Variants in SOX6 observed in about 807,000 individuals in gnomAD.
SOX6 encodes the protein transcription factor SOX-6.
SOX6 carries 11 observed loss-of-function variants against 97.8 expected under a neutral mutation model. The ratio of observed to expected loss-of-function variants is 0.11; its 90% confidence interval spans 0.07 to 0.19. The LOEUF (loss-of-function observed/expected upper bound fraction) is 0.19. Among genes scored for constraint, SOX6 ranks in the 10% least tolerant of loss-of-function variants. The probability of loss-of-function intolerance (pLI) is 1.00; values close to 1 mark genes in which losing one functional copy is unlikely to be tolerated. For missense variants in SOX6, 810 were observed against 1,039.5 expected, an observed-to-expected ratio of 0.78 and a Z score of 3.04; for synonymous variants, 360 against 371.4, an observed-to-expected ratio of 0.97 and a Z score of 0.35.
rs550101045 is a variant in SOX6, at chr11:16,560,848, T to C, written n.609+51233A>G. ...TGGCTGAGTAGTATTCCATTGTATT[T>C]ATAAAAGTGAAGTAACTCAGAAATG... On this transcript the variant is annotated intron_variant and non_coding_transcript_variant, in intron 4 of 5. Coordinates refer to the SOX6 transcript ENST00000524520. Among the ~76,000 whole-genome samples the C allele has an allele frequency of 6.6e-4, 100 of 152,282 alleles. 2 individuals are homozygous for C. Among genetic ancestry groups the C allele is most frequent in the Non-Finnish European group, 1.0e-3 (68 of 68,016 alleles).
chr11:16,438,844 C>T (rs1247077649), intron 1 of SOX6, among the ~76,000 whole-genome samples: 2 of 152,212 alleles, frequency 1.3e-5, no homozygotes, highest in East Asian at 1.9e-4. Flanking sequence ...TCCCCTTGCT[C>T]GCTCCTTACC....
At chr11:16,481,202 AG>A (rs1480493406), upstream of SOX6, among the ~76,000 whole-genome samples, 3 of 152,098 alleles carry the variant, frequency 2.0e-5, no homozygotes, top group Non-Finnish European at 4.4e-5. Context: ...CATAATGCTT[AG>A]TTTTCTTTTT....
intron 14 of SOX6, among the ~76,000 whole-genome samples, chr11:15,987,546 A>C (rs1414258804): frequency 6.6e-6 from 1 of 152,152 alleles, no homozygotes; most frequent in Non-Finnish European, 1.5e-5. Flanking sequence ...GCACACAAAT[A>C]ATATAGATTC....
Position 16,489,237 on chromosome 11 carries a change from T to A in SOX6, n.610-12849A>T, listed in dbSNP as rs1860477234. Among the ~76,000 whole-genome samples, 3 of 152,254 alleles carry A rather than the reference T, an allele frequency of 2.0e-5. No individual in the cohort carries two copies. In the South Asian group the frequency reaches 6.2e-4, roughly 32 times the overall value. On this transcript the variant is annotated intron_variant and non_coding_transcript_variant, in intron 4 of 5. Transcript: ENST00000524520. ...AAATTAAGCAAAAAAAAGTATGCAGTTCTACTATTTTATACAGAGTTCACA... is the reference window on the plus strand; with the variant it reads ...AAATTAAGCAAAAAAAAGTATGCAGATCTACTATTTTATACAGAGTTCACA...
At chr11:16,389,045 C>T (rs1039834012) in intron 1 of SOX6, among the ~76,000 whole-genome samples, 6 of 151,882 alleles carry the variant, frequency 4.0e-5, no homozygotes, top group Admixed American at 6.6e-5. Flanking sequence ...TATTCATCTT[C>T]TTTTCTTTTC....
chr11:16,400,174 A>C (rs1304794343), intron 1 of SOX6, among the ~76,000 whole-genome samples: 1 of 151,542 alleles, frequency 6.6e-6, no homozygotes, highest in Non-Finnish European at 1.5e-5. Flanking sequence ...CATAGACCTT[A>C]TATTCCAGTT....
At chr11:16,219,139 T>C (rs1852463364) in intron 4 of SOX6, among the ~76,000 whole-genome samples, 1 of 152,060 alleles carries the variant, frequency 6.6e-6, no homozygotes, top group South Asian at 2.1e-4. Flanking sequence ...TACCAACTTG[T>C]GTCTCCTCAG....
chr11:16,731,609 G>C (rs1228510409), intron 2 of SOX6, among the ~76,000 whole-genome samples: 1 of 152,054 alleles, frequency 6.6e-6, no homozygotes, highest in Non-Finnish European at 1.5e-5. Context: ...AATAATAAGA[G>C]CTATTTATGA....
chr11:16,601,233 G>A (rs1344652395), intron 4 of SOX6, among the ~76,000 whole-genome samples: 7 of 152,020 alleles, frequency 4.6e-5, no homozygotes, highest in African/African-American at 1.7e-4. Flanking sequence ...ATTTTTTAAT[G>A]GTAATATGGC....
chr11:16,143,802 G>A (rs551521075), intron 6 of SOX6, among the ~76,000 whole-genome samples: 2 of 152,242 alleles, frequency 1.3e-5, no homozygotes, highest in Non-Finnish European at 2.9e-5. Flanking sequence ...GAAGAGCTAA[G>A]TATCCTAAAT....
At chr11:16,117,687 G>C (rs1380921918) in intron 6 of SOX6, among the ~76,000 whole-genome samples, 1 of 152,150 alleles carries the variant, frequency 6.6e-6, no homozygotes, top group East Asian at 1.9e-4. Context: ...GTGTATTAAA[G>C]TCACTGCACT....
chr11:16,602,502 T>C (rs1848282725), intron 4 of SOX6, among the ~76,000 whole-genome samples: 1 of 152,132 alleles, frequency 6.6e-6, no homozygotes, highest in Admixed American at 6.6e-5. Context: ...TTCAAAACTG[T>C]AGAAGGAAAA....
At chr11:16,530,314 G>T (rs1472476512) in intron 4 of SOX6, among the ~76,000 whole-genome samples, 2 of 152,042 alleles carry the variant, frequency 1.3e-5, no homozygotes, top group African/African-American at 4.8e-5. Context: ...CATAAAAGGA[G>T]TAGAGGATAT....
At chr11:16,626,205 A>G (rs755678348) in intron 3 of SOX6, among the ~76,000 whole-genome samples, 8 of 152,234 alleles carry the variant, frequency 5.3e-5, no homozygotes, top group Non-Finnish European at 8.8e-5. Context: ...TGAGCTATTC[A>G]GAGTAGACAT....
intron 4 of SOX6, among the ~76,000 whole-genome samples, chr11:16,584,023 A>G (rs988154950): frequency 5.3e-5 from 8 of 152,114 alleles, no homozygotes; most frequent in African/African-American, 1.9e-4. Flanking sequence ...TGAGCAATTT[A>G]TAAGACAAAA....
At position 16,352,000 on chromosome 11, in the gene SOX6, A is replaced by G. The variant is rs559740790; in HGVS notation, c.-5+4094T>C. Among the ~76,000 whole-genome samples, 128 of 152,204 alleles carry G rather than the reference A, an allele frequency of 8.4e-4. 2 individuals carry two copies. The highest frequency in any genetic ancestry group is 1.4e-3 in the Non-Finnish European group (92 of 67,974). ...GTAAATACTTCCCAATTATTTAAAT[A>G]TTATTGAATTAATAGGCAGAAATAA... On this transcript the variant is annotated intron_variant, in intron 1 of 15. Coordinates refer to ENST00000683767, the MANE Select transcript of SOX6 (RefSeq NM_001367873.1).
At chr11:16,512,974 G>A (rs1478647683) in intron 4 of SOX6, among the ~76,000 whole-genome samples, 4 of 152,206 alleles carry the variant, frequency 2.6e-5, no homozygotes, top group African/African-American at 9.6e-5. Flanking sequence ...TCAGTTCCTT[G>A]AAATGTATAT....
intron 9 of SOX6, among the ~76,000 whole-genome samples, chr11:16,060,579 T>C (rs1307112790): frequency 1.3e-5 from 2 of 151,982 alleles, no homozygotes; most frequent in African/African-American, 4.8e-5. Context: ...TTAGTATAAA[T>C]ATCATTCTAT....
At chr11:16,190,989 TA>T (rs1851615126) in intron 4 of SOX6, among the ~76,000 whole-genome samples, 1 of 152,190 alleles carries the variant, frequency 6.6e-6, no homozygotes, top group Non-Finnish European at 1.5e-5. Context: ...CAAGTTTTTT[TA>T]TCTTAAAAAA....
Sources: allele counts gnomAD v4.1 joint callset (sites outside exome capture counted in the v4.1 genomes callset), GRCh38; gene constraint gnomAD v4.1.1; transcripts MANE v1.5; gene names NCBI Gene and HGNC (gene_info 2026-07-23, HGNC 2026-07-21).